ELMO1: variants seen among roughly 807,000 people sequenced by gnomAD.
The protein encoded by ELMO1 is engulfment and cell motility 1.
Under a neutral mutation model 98.9 loss-of-function variants are expected in ELMO1, and 26 were observed. That is an observed-to-expected ratio of 0.26 (90% confidence interval 0.19 to 0.36). The LOEUF is 0.36. Among genes scored for constraint, ELMO1 ranks in the 10% least tolerant of loss-of-function variants. ELMO1 has a pLI of 1.00. For missense variants in ELMO1, 627 were observed against 935.2 expected (o/e 0.67, Z 4.30); for synonymous variants, 346 against 346.0 (o/e 1.00, Z 0.00).
At chr7:37,434,854 C>T (rs1805081244) in intron 1 of ELMO1, among the ~76,000 whole-genome samples, 1 of 152,198 alleles carries the variant, frequency 6.6e-6, no homozygotes, top group Non-Finnish European at 1.5e-5. Context: ...CTACATTAAT[C>T]TCCCTGTTGT....
At chr7:36,959,236 G>C (rs1788731919) in intron 16 of ELMO1, among the ~76,000 whole-genome samples, 1 of 151,826 alleles carries the variant, frequency 6.6e-6, no homozygotes, top group Non-Finnish European at 1.5e-5. Flanking sequence ...GCCCTTGCCA[G>C]ATCTGCAGCA....
chr7:37,211,392 C>T lies in ELMO1; in HGVS notation c.1080G>A (p.Gly360=). 1 of 1,613,952 alleles carries T rather than the reference C, an allele frequency of 6.2e-7. No individual in the cohort carries two copies. Among genetic ancestry groups the T allele is most frequent in the Non-Finnish European group, 8.5e-7 (1 of 1,179,918 alleles). The part of the protein sequence containing the change: ...SMYTRDYKKL[G]FINHVNPAMD... Reference sequence around the variant, plus strand: ...CTGGAGATAGCTTACTTACAATGAACCCAAGCTTCTTATAATCTCGCGTGT... The same window carrying T: ...CTGGAGATAGCTTACTTACAATGAATCCAAGCTTCTTATAATCTCGCGTGT... The change falls in exon 13 of 22, where the codon GGG becomes GGA. Residue 360 remains glycine (G), a synonymous_variant. Coordinates refer to ENST00000310758, the MANE Select transcript of ELMO1 (RefSeq NM_014800.11).
chr7:37,192,777 G>T lies in ELMO1; in HGVS notation c.1086+18609C>A, dbSNP rs1357496387. Among the ~76,000 whole-genome samples the T allele has an allele frequency of 4.4e-5, 5 of 113,914 alleles. No individual in the cohort carries two copies. In the East Asian group the frequency reaches 1.0e-3, roughly 24 times the overall value. 74.7% of individuals were successfully genotyped at this position (113,914 alleles called of 152,430 possible). ...TGCACCACCGCACTCCAGCCTGGGT[G>T]ACAAAACGAGACTCTGTCTCAAAAA... On this transcript the variant is annotated intron_variant, in intron 13 of 21. Transcript: ENST00000310758.
chr7:37,003,352 G>A (rs192703486), intron 16 of ELMO1, among the ~76,000 whole-genome samples: 71 of 152,258 alleles, frequency 4.7e-4, no homozygotes, highest in Admixed American at 3.5e-3. Context: ...ATGAGACAAC[G>A]TCTCAAATAC....
chr7:37,043,132 C>T (rs901450439), intron 15 of ELMO1, among the ~76,000 whole-genome samples: 3 of 152,096 alleles, frequency 2.0e-5, no homozygotes, highest in Non-Finnish European at 2.9e-5. Flanking sequence ...CAGACAATGC[C>T]GGGAGCCTCC....
At chr7:37,134,387 G>A (rs1382941799) in intron 13 of ELMO1, among the ~76,000 whole-genome samples, 1 of 151,896 alleles carries the variant, frequency 6.6e-6, no homozygotes, top group African/African-American at 2.4e-5. Flanking sequence ...GTAAAACCCT[G>A]TCTCTACTAA....
intron 4 of ELMO1, among the ~76,000 whole-genome samples, chr7:37,282,639 A>G (rs565988306): frequency 6.6e-6 from 1 of 152,326 alleles, no homozygotes; most frequent in South Asian, 2.1e-4. Flanking sequence ...GAAACAGGGG[A>G]AAAAAGGCAG....
At chr7:36,884,643 TG>T (rs1804778909) in intron 18 of ELMO1, among the ~76,000 whole-genome samples, 1 of 152,186 alleles carries the variant, frequency 6.6e-6, no homozygotes, top group Non-Finnish European at 1.5e-5. Context: ...GATCTGTAAA[TG>T]TCTGCATGTG....
chr7:36,922,089 C>T lies in ELMO1; in HGVS notation c.1438-27072G>A, dbSNP rs552050776. 9.2e-5 allele frequency among the ~76,000 whole-genome samples: 14 copies of T among 152,176 alleles called. No individual in the cohort carries two copies. In the South Asian group the frequency reaches 2.9e-3, roughly 32 times the overall value. On this transcript the variant is annotated intron_variant, in intron 16 of 21. Coordinates refer to ENST00000310758, the MANE Select transcript of ELMO1 (RefSeq NM_014800.11). ...AAGTATGGTATCTGTTTGCAGTAAA[C>T]CAGTTTAAAGTTCTAATAAAATCAA...
intron 16 of ELMO1, among the ~76,000 whole-genome samples, chr7:37,010,882 G>C (rs936758024): frequency 2.0e-5 from 3 of 152,170 alleles, no homozygotes; most frequent in African/African-American, 7.2e-5. Context: ...GAGAAAAAAA[G>C]CAAACACGAT....
chr7:37,322,838 T>G (rs1243795317), intron 2 of ELMO1, among the ~76,000 whole-genome samples: 1 of 152,042 alleles, frequency 6.6e-6, no homozygotes, highest in East Asian at 1.9e-4. Flanking sequence ...AAATTGGTAT[T>G]GAGACCAAAT....
intron 15 of ELMO1, among the ~76,000 whole-genome samples, chr7:37,082,978 T>C (rs1170590468): frequency 1.3e-5 from 2 of 152,230 alleles, no homozygotes; most frequent in African/African-American, 2.4e-5. Flanking sequence ...GTATAACTAA[T>C]GTAGTGGTTA....
intron 16 of ELMO1, among the ~76,000 whole-genome samples, chr7:36,961,489 A>G (rs1463743313): frequency 6.6e-6 from 1 of 152,244 alleles, no homozygotes; most frequent in African/African-American, 2.4e-5. Context: ...CAGAGTTTTA[A>G]TCCATCAAAC....
At chr7:37,045,630 G>T (rs945216573) in intron 15 of ELMO1, among the ~76,000 whole-genome samples, 2 of 152,050 alleles carry the variant, frequency 1.3e-5, no homozygotes, top group African/African-American at 4.8e-5. Context: ...TTGAACTTGG[G>T]AGGAAGAAGA....
chr7:37,448,170 C>T (rs1345266317), intron 1 of ELMO1, among the ~76,000 whole-genome samples: 1 of 151,950 alleles, frequency 6.6e-6, no homozygotes, highest in East Asian at 2.0e-4. Context: ...TCCCTCCCAT[C>T]CCCGAGTGCA....
At chr7:37,347,622 G>A (rs115348078) in intron 1 of ELMO1, among the ~76,000 whole-genome samples, 2,874 of 152,168 alleles carry the variant, frequency 0.019, 94 homozygotes, top group African/African-American at 0.066. Context: ...CCTGTCTGCC[G>A]CCATGTAAGA....
At chr7:37,326,469 C>T (rs1799814336) in intron 2 of ELMO1, among the ~76,000 whole-genome samples, 2 of 150,494 alleles carry the variant, frequency 1.3e-5, no homozygotes, top group Admixed American at 1.3e-4. Flanking sequence ...GCAGGAGAAT[C>T]ACTGGAACCT....
chr7:37,386,831 C>T (rs1802826726), intron 1 of ELMO1, among the ~76,000 whole-genome samples: 1 of 152,232 alleles, frequency 6.6e-6, no homozygotes, highest in South Asian at 2.1e-4. Context: ...CTTCCCTGCA[C>T]ACGGCCTGGT....
chr7:36,883,063 C>A lies in ELMO1; in HGVS notation c.1714+4497G>T, dbSNP rs149185789. Among the ~76,000 whole-genome samples the A allele has an allele frequency of 1.3e-5, 2 of 152,198 alleles. 1 individual carries two copies. The highest frequency in any genetic ancestry group is 2.9e-5 in the Non-Finnish European group (2 of 68,026). ...GGGCAATATGGTTACCATGCCTGAA[C>A]GCACCACTTGGCTCTAGGTCTTCTG... On this transcript the variant is annotated intron_variant, in intron 18 of 21. Transcript: ENST00000310758.
Sources: gnomAD v4.1 joint callset for allele counts (sites outside exome capture counted in the v4.1 genomes callset) on GRCh38, gnomAD v4.1.1 for gene constraint, MANE v1.5 for transcripts, NCBI Gene and HGNC (gene_info 2026-07-23, HGNC 2026-07-21) for gene names.